The following CCNE1 variants were observed in gnomAD, a reference collection of about 807,000 sequenced individuals.
The protein encoded by CCNE1 is G1/S-specific cyclin-E1.
In CCNE1, 8 loss-of-function variants were observed where a neutral mutation model predicts 54.1. The observed-to-expected ratio is 0.15, with a 90% confidence interval of 0.09 to 0.27. The LOEUF is 0.27. Ranked by LOEUF, CCNE1 falls within the 10% of genes least tolerant of loss-of-function variation. The pLI is 1.00. For synonymous variants in CCNE1, 179 were observed against 185.2 expected (o/e 0.97, Z 0.27); for missense variants, 430 against 514.9 (o/e 0.84, Z 1.60).
intron 6 of CCNE1, among the ~76,000 whole-genome samples, chr19:29,817,857 CTTTTT>C (rs34598025): frequency 1.4e-4 from 13 of 95,910 alleles, no homozygotes; most frequent in South Asian, 4.2e-4. Flanking sequence ...CATTAAATTG[CTTTTT>C]TTTTTTTTTT....
At chr19:29,821,700 GC>G in intron 7 of CCNE1, 21 bp from the exon 8 acceptor site, 1 of 1,428,838 alleles carries the variant, frequency 7.0e-7, no homozygotes, top group Non-Finnish European at 9.9e-7. Context: ...TGGTGCTAGT[GC>G]CATCTTTTAT....
At chr19:29,819,897 A>G (rs1320379541) in intron 6 of CCNE1, among the ~76,000 whole-genome samples, 1 of 152,246 alleles carries the variant, frequency 6.6e-6, no homozygotes, top group African/African-American at 2.4e-5. Flanking sequence ...TCGGGGGTAC[A>G]TCCCAAGACC....
In CCNE1 at chr19:29,817,400, T is replaced by C. The variant is rs759514188; in HGVS notation, c.327-6T>C. 6 of 1,614,200 alleles carry C rather than the reference T, an allele frequency of 3.7e-6. No homozygotes were observed. The highest frequency in any genetic ancestry group is 2.2e-5 in the East Asian group (1 of 44,890). ...GGCCTCATTTTTGTTGTGTGTTTTGTTGTAGCTGGGCAAATAGAGAGGAAG... is the reference window on the plus strand; with the variant it reads ...GGCCTCATTTTTGTTGTGTGTTTTGCTGTAGCTGGGCAAATAGAGAGGAAG... On this transcript the variant is annotated splice_region_variant and splice_polypyrimidine_tract_variant and intron_variant, in intron 5 of 11. Coordinates refer to ENST00000262643, the MANE Select transcript of CCNE1 (RefSeq NM_001238.4).
Position 29,823,864 on chromosome 19 carries a change from T to C in CCNE1, c.*87T>C. On this transcript the variant is annotated 3_prime_UTR_variant, in exon 12 of 12. Transcript: ENST00000262643. Reference sequence around the variant, plus strand: ...TGCAGCGGAGGCGTGCGTTTGCTTTTACAGATATCTGAATGGAAGAGTGTT... The same window carrying C: ...TGCAGCGGAGGCGTGCGTTTGCTTTCACAGATATCTGAATGGAAGAGTGTT... 7.4e-7 allele frequency: 1 copy of C among 1,357,234 alleles called. No homozygotes were observed. Among genetic ancestry groups the C allele is most frequent in the Non-Finnish European group, 1.0e-6 (1 of 1,004,184 alleles). The allele number at this position is 1,357,234 out of a possible 1,614,324, so 84.1% of individuals were successfully genotyped here.
chr19:29,815,124 CCATTTGT>C (rs945793883), intron 4 of CCNE1, among the ~76,000 whole-genome samples: 3 of 152,206 alleles, frequency 2.0e-5, no homozygotes, highest in Admixed American at 6.5e-5. Context: ...ACTTTGGAAA[CCATTTGT>C]CTGCTGATGG....
chr19:29,817,673 T>G lies in CCNE1; in HGVS notation c.462+132T>G, dbSNP rs1405153118. 4 of 909,856 alleles carry G rather than the reference T, an allele frequency of 4.4e-6. No homozygotes were observed. The African/African-American group carries it at 6.7e-5, about 15-fold the overall frequency. 56.4% of individuals were successfully genotyped at this position (909,856 alleles called of 1,614,324 possible). A position where few individuals can be genotyped will look rare whatever the true frequency, so the allele number is the denominator to read the frequency against. On this transcript the variant is annotated intron_variant, in intron 6 of 11. Transcript: ENST00000262643. Reference sequence around the variant, plus strand: ...CTGAAGCTATATGGTATATTTTTACTGTGGTGGTCTTTCTGTTTTGCTTGT... The same window carrying G: ...CTGAAGCTATATGGTATATTTTTACGGTGGTGGTCTTTCTGTTTTGCTTGT...
At position 29,812,714 on chromosome 19, in the gene CCNE1, A is replaced by G; in HGVS notation, c.49A>G (p.Lys17Glu). The change falls in exon 3 of 12, where the codon AAG becomes GAG. Residue 17 changes from lysine (K) to glutamate (E), a missense_variant. Lys to Glu is a moderately conservative substitution (Grantham distance 56, BLOSUM62 1). Transcript: ENST00000262643. ...GGATGCGAAGGAGCGGGACACCATGAAGGAGGACGGCGGCGCGGAGTTCTC... is the reference window on the plus strand; with the variant it reads ...GGATGCGAAGGAGCGGGACACCATGGAGGAGGACGGCGGCGCGGAGTTCTC... ...ERDAKERDTM[K>E]EDGGAEFSAR... The G allele has an allele frequency of 6.3e-7, 1 of 1,593,598 alleles. No individual in the cohort carries two copies. Among genetic ancestry groups the G allele is most frequent in the Admixed American group, 1.8e-5 (1 of 55,152 alleles).
rs768952549 is a variant in CCNE1, at chr19:29,812,951, G to A, written c.112-18G>A. On this transcript the variant is annotated intron_variant, in intron 3 of 11. Transcript: ENST00000262643. Reference sequence around the variant, plus strand: ...TTTGGTGTGTTTCCTTGGGGTCATGGGGGTGGCTTCATGTTAGTTTTTGCA... The same window carrying A: ...TTTGGTGTGTTTCCTTGGGGTCATGAGGGTGGCTTCATGTTAGTTTTTGCA... The A allele has an allele frequency of 6.2e-7, 1 of 1,613,944 alleles. No individual in the cohort carries two copies. The highest frequency in any genetic ancestry group is 1.7e-5 in the Admixed American group (1 of 60,012).
intron 4 of CCNE1, chr19:29,813,457 T>TTG: frequency 6.0e-6 from 1 of 165,358 alleles, no homozygotes; most frequent in Non-Finnish European, 1.3e-5. Context: ...TGGGTGTTTA[T>TTG]AAGCAACAAC....
chr19:29,812,807 T>TCC (rs3218029), intron 3 of CCNE1, 31 bp downstream of exon 3: 129 of 1,570,832 alleles, frequency 8.2e-5, no homozygotes, highest in Non-Finnish European at 8.3e-5. Context: ...TTGGGGAGCA[T>TCC]CCCCCCCATC....
chr19:29,821,718 T>G lies in CCNE1; in HGVS notation c.610-4T>G, dbSNP rs1273841543. On this transcript the variant is annotated splice_region_variant and splice_polypyrimidine_tract_variant and intron_variant, in intron 7 of 11. Coordinates refer to ENST00000262643, the MANE Select transcript of CCNE1 (RefSeq NM_001238.4). ...TGCTAGTGCCATCTTTTATTTCCTTTCAGGAAATCTATCCTCCAAAGTTGC... is the reference window on the plus strand; with the variant it reads ...TGCTAGTGCCATCTTTTATTTCCTTGCAGGAAATCTATCCTCCAAAGTTGC... 1 of 1,576,798 alleles carries G rather than the reference T, an allele frequency of 6.3e-7. No individual in the cohort carries two copies. The highest frequency in any genetic ancestry group is 1.7e-5 in the Admixed American group (1 of 59,876).
intron 6 of CCNE1, among the ~76,000 whole-genome samples, chr19:29,817,797 A>G (rs1163156276): frequency 3.7e-5 from 5 of 136,964 alleles, no homozygotes; most frequent in African/African-American, 1.4e-4. Flanking sequence ...TTAAGATTGT[A>G]TTTTCCAGTA....
chr19:29,820,870 G>A (rs1974131382), intron 7 of CCNE1, 22 bp downstream of exon 7: 2 of 1,543,518 alleles, frequency 1.3e-6, no homozygotes, highest in African/African-American at 1.4e-5. Flanking sequence ...TCAAATATTT[G>A]TTCTATAATG....
chr19:29,813,117 TGCTGGAGACA>T, intron 4 of CCNE1, 80 bp downstream of exon 4: 1 of 1,267,626 alleles, frequency 7.9e-7, no homozygotes, highest in Non-Finnish European at 1.2e-6. Context: ...TCTTGTCTCT[TGCTGGAGACA>T]CTCTGGTGAG....
At chr19:29,816,572 A>G (rs1025665986) in intron 4 of CCNE1, among the ~76,000 whole-genome samples, 2 of 152,238 alleles carry the variant, frequency 1.3e-5, no homozygotes, top group Admixed American at 6.5e-5. Flanking sequence ...CGAGTTAAGG[A>G]AAAGAAAAAG....
intron 4 of CCNE1, among the ~76,000 whole-genome samples, chr19:29,816,070 C>T (rs1259825597): frequency 1.3e-5 from 2 of 150,402 alleles, no homozygotes; most frequent in Non-Finnish European, 2.9e-5. Flanking sequence ...GCAGGAGGAT[C>T]GCTTGACCCC....
chr19:29,817,857 CTTTTTTTTTTTT>C (rs34598025), intron 6 of CCNE1, among the ~76,000 whole-genome samples: 6 of 95,910 alleles, frequency 6.3e-5, no homozygotes, highest in African/African-American at 2.1e-4. Flanking sequence ...CATTAAATTG[CTTTTTTTTTTTT>C]TTTTTTTTTG....
Position 29,812,980 on chromosome 19 carries a change from T to C in CCNE1, c.123T>C (p.Asp41=), listed in dbSNP as rs773909135. ...TGGCTTCATGTTAGTTTTTGCAGGA[T>C]CCAGATGAAGAAATGGCCAAAATCG... ...RKANVTVFLQ[D]PDEEMAKIDR... Residue 41 remains aspartate (D), a synonymous_variant, in exon 4 of 12, where the codon GAT becomes GAC. Coordinates refer to ENST00000262643, the MANE Select transcript of CCNE1 (RefSeq NM_001238.4). The C allele has an allele frequency of 1.9e-6, 3 of 1,614,020 alleles. No homozygotes were observed. The East Asian group carries it at 6.7e-5, about 36-fold the overall frequency.
chr19:29,813,820 G>A (rs1973948919), intron 4 of CCNE1, among the ~76,000 whole-genome samples: 1 of 152,196 alleles, frequency 6.6e-6, no homozygotes, highest in Non-Finnish European at 1.5e-5. Flanking sequence ...AATGGCTGGA[G>A]ACTGTAGTTA....
Sources: gnomAD v4.1 joint callset for allele counts (sites outside exome capture counted in the v4.1 genomes callset) on GRCh38, gnomAD v4.1.1 for gene constraint, MANE v1.5 for transcripts, NCBI Gene and HGNC (gene_info 2026-07-23, HGNC 2026-07-21) for gene names.